Variants in MMP16 observed in about 807,000 individuals in gnomAD.
MMP16 encodes the protein matrix metalloproteinase-16.
In MMP16, 12 loss-of-function variants were observed where a neutral mutation model predicts 67.8. That is an observed-to-expected ratio of 0.18 (90% confidence interval 0.11 to 0.29). The LOEUF is 0.29. Among genes scored for constraint, MMP16 ranks in the 10% least tolerant of loss-of-function variants. MMP16 has a pLI of 1.00. For missense variants in MMP16, 475 were observed against 765.7 expected, an observed-to-expected ratio of 0.62 and a Z score of 4.48; for synonymous variants, 249 against 255.9, an observed-to-expected ratio of 0.97 and a Z score of 0.26.
intron 6 of MMP16, among the ~76,000 whole-genome samples, chr8:88,112,677 G>GTGTGTGTGTGTGTGTGTGTC (rs1292612932): frequency 6.0e-5 from 9 of 149,142 alleles, no homozygotes; most frequent in African/African-American, 1.3e-4. Flanking sequence ...GTGTGTGTGT[G>GTGTGTGTGTGTGTGTGTGTC]TGTGTGTCTG....
At chr8:88,203,083 A>C (rs565972816) in intron 1 of MMP16, among the ~76,000 whole-genome samples, 2 of 149,586 alleles carry the variant, frequency 1.3e-5, no homozygotes, top group South Asian at 4.2e-4. Context: ...ACTGAGATGA[A>C]GGTACAAAAT....
chr8:88,091,516 C>T (rs929732770), intron 6 of MMP16, among the ~76,000 whole-genome samples: 1 of 151,628 alleles, frequency 6.6e-6, no homozygotes, highest in African/African-American at 2.4e-5. Context: ...GCGTATGCCA[C>T]AGGAAAAACA....
chr8:88,289,220 G>C (rs1810882420), intron 1 of MMP16, among the ~76,000 whole-genome samples: 1 of 152,072 alleles, frequency 6.6e-6, no homozygotes, highest in Non-Finnish European at 1.5e-5. Context: ...AATCAGAGCA[G>C]CAAAAAACTG....
intron 6 of MMP16, among the ~76,000 whole-genome samples, chr8:88,113,615 A>G (rs937955600): frequency 6.6e-6 from 1 of 151,908 alleles, no homozygotes; most frequent in Non-Finnish European, 1.5e-5. Context: ...AAGTAAAGGC[A>G]GTCTAGACTA....
chr8:88,132,515 C>A (rs1808048992), intron 4 of MMP16, among the ~76,000 whole-genome samples: 2 of 151,834 alleles, frequency 1.3e-5, no homozygotes, highest in South Asian at 4.1e-4. Context: ...GACGTGTTGG[C>A]AAGCTTTGGA....
intron 1 of MMP16, among the ~76,000 whole-genome samples, chr8:88,223,539 G>A (rs1272589400): frequency 6.6e-6 from 1 of 151,888 alleles, no homozygotes; most frequent in East Asian, 1.9e-4. Flanking sequence ...CATGTCCTTT[G>A]CAGGGACATG....
At chr8:88,324,558 G>A (rs1418570810) in intron 1 of MMP16, among the ~76,000 whole-genome samples, 1 of 151,958 alleles carries the variant, frequency 6.6e-6, no homozygotes, top group Non-Finnish European at 1.5e-5. Flanking sequence ...TGTGCTTACT[G>A]AAAAAAAATT....
At chr8:88,173,487 G>A (rs1218284212) in intron 3 of MMP16, among the ~76,000 whole-genome samples, 1 of 151,580 alleles carries the variant, frequency 6.6e-6, no homozygotes, top group African/African-American at 2.4e-5. Context: ...ATATAAACAG[G>A]GCTAAATCTC....
At chr8:88,207,500 T>C (rs1489793720) in intron 1 of MMP16, among the ~76,000 whole-genome samples, 1 of 152,140 alleles carries the variant, frequency 6.6e-6, no homozygotes, top group African/African-American at 2.4e-5. Context: ...CCATAAACCT[T>C]GAATAATACC....
chr8:88,055,987 TA>T, intron 8 of MMP16, 140 bp downstream of exon 8: 1 of 530,926 alleles, frequency 1.9e-6, no homozygotes, highest in Non-Finnish European at 3.0e-6. Flanking sequence ...ATTTGAAATG[TA>T]AAACAATTTT....
intron 7 of MMP16, among the ~76,000 whole-genome samples, chr8:88,066,842 C>A (rs1489880255): frequency 6.6e-6 from 1 of 151,822 alleles, no homozygotes; most frequent in Non-Finnish European, 1.5e-5. Context: ...AAATGTGATA[C>A]AAAGAGAAAA....
At chr8:88,226,500 C>A (rs915793766) in intron 1 of MMP16, among the ~76,000 whole-genome samples, 3 of 152,166 alleles carry the variant, frequency 2.0e-5, no homozygotes, top group East Asian at 1.9e-4. Flanking sequence ...GTAGAAGACT[C>A]ATTTTCAAGT....
chr8:88,261,486 T>G (rs1298590003), intron 1 of MMP16, among the ~76,000 whole-genome samples: 1 of 152,042 alleles, frequency 6.6e-6, no homozygotes, highest in African/African-American at 2.4e-5. Flanking sequence ...GCGTTCATAT[T>G]TTTACTACCA....
intron 1 of MMP16, among the ~76,000 whole-genome samples, chr8:88,299,978 ATTAC>A (rs1811072671): frequency 6.6e-6 from 1 of 152,216 alleles, no homozygotes; most frequent in Non-Finnish European, 1.5e-5. Context: ...GCATATTCAT[ATTAC>A]TTATGCTTAT....
Position 88,327,170 on chromosome 8 carries a change from C to A in MMP16, c.37G>T (p.Asp13Tyr), listed in dbSNP as rs1353335466. ...AACACCCCCGAATGATGCACGAAATCCAACCGTCTTCCAGTGCTGAATGTG... is the reference window on the plus strand; with the variant it reads ...AACACCCCCGAATGATGCACGAAATACAACCGTCTTCCAGTGCTGAATGTG... Reference protein sequence around the residue: ...LLTFSTGRRLDFVHHSGVFFL... With the variant: ...LLTFSTGRRLYFVHHSGVFFL... The change falls in exon 1 of 10, where the codon GAT (aspartate) becomes TAT (tyrosine). Residue 13 changes from aspartate (D) to tyrosine (Y), a missense_variant. By Grantham distance (160) the Asp-to-Tyr change is radical (BLOSUM62 -3). This residue lies in a region of MMP16 where 170 missense variants were observed against 239.6 expected (regional missense o/e 0.71). Coordinates refer to ENST00000286614, the MANE Select transcript of MMP16 (RefSeq NM_005941.5). The A allele has an allele frequency of 4.3e-6, 7 of 1,613,962 alleles. No individual in the cohort carries two copies. The East Asian group carries it at 1.6e-4, about 36-fold the overall frequency.
intron 6 of MMP16, among the ~76,000 whole-genome samples, chr8:88,080,205 T>G (rs916497029): frequency 6.6e-6 from 1 of 152,176 alleles, no homozygotes; most frequent in Non-Finnish European, 1.5e-5. Flanking sequence ...ACAACACATT[T>G]ACTAGACAGA....
In MMP16 at chr8:88,186,610, A is replaced by AG; in HGVS notation, c.282-13_282-12insC. 1 of 1,483,834 alleles carries AG rather than the reference A, an allele frequency of 6.7e-7. No individual in the cohort carries two copies. The highest frequency in any genetic ancestry group is 9.2e-7 in the Non-Finnish European group (1 of 1,092,770). 91.9% of individuals were successfully genotyped at this position (1,483,834 alleles called of 1,614,324 possible). A position where few individuals can be genotyped will look rare whatever the true frequency, so the allele number is the denominator to read the frequency against. Reference sequence around the variant, plus strand: ...GCTTCTTCATCCAGCTGCAAAAAAAAAAAAAAAAAAAAAAAAGCAGTATTT... The same window carrying AG: ...GCTTCTTCATCCAGCTGCAAAAAAAAGAAAAAAAAAAAAAAAAGCAGTATTT... On this transcript the variant is annotated splice_polypyrimidine_tract_variant and intron_variant, in intron 2 of 9. Transcript: ENST00000286614.
In MMP16 at chr8:88,162,136, C is replaced by T. The variant is rs143373399; in HGVS notation, c.709+5533G>A. 6.0e-3 allele frequency among the ~76,000 whole-genome samples: 912 copies of T among 151,972 alleles called. 4 individuals are homozygous for T. The highest frequency in any genetic ancestry group is 0.021 in the African/African-American group (865 of 41,466). On this transcript the variant is annotated intron_variant, in intron 4 of 9. Coordinates refer to ENST00000286614, the MANE Select transcript of MMP16 (RefSeq NM_005941.5). ...TAGTGACATATTTTTGTGAATGTGA[C>T]TATACCAAATTTTCTGCTACTTTCC...
At chr8:88,051,654 ATAACACT>A (rs1808272618) in intron 8 of MMP16, among the ~76,000 whole-genome samples, 1 of 152,210 alleles carries the variant, frequency 6.6e-6, no homozygotes. Flanking sequence ...CTTTGTAAAC[ATAACACT>A]TAAGCTGGAA....
Sources: gnomAD v4.1 joint callset for allele counts (sites outside exome capture counted in the v4.1 genomes callset) on GRCh38, gnomAD v4.1.1 for gene constraint, gnomAD v4.1.1 regional missense constraint, MANE v1.5 for transcripts, NCBI Gene and HGNC (gene_info 2026-07-23, HGNC 2026-07-21) for gene names.